Variants in PIK3AP1 observed in about 807,000 individuals in gnomAD.
PIK3AP1 encodes the protein phosphoinositide 3-kinase adapter protein 1.
Under a neutral mutation model 88.1 loss-of-function variants are expected in PIK3AP1, and 21 were observed. The observed-to-expected ratio is 0.24, with a 90% CI of 0.17 to 0.34. The LOEUF (loss-of-function observed/expected upper bound fraction) is 0.34. Ranked by LOEUF, PIK3AP1 falls within the 10% of genes least tolerant of loss-of-function variation. PIK3AP1 has a pLI of 1.00. For missense variants in PIK3AP1, 828 were observed against 1,035.7 expected, an observed-to-expected ratio of 0.80 and a Z score of 2.75; for synonymous variants, 398 against 400.0, an observed-to-expected ratio of 1.00 and a Z score of 0.06.
intron 14 of PIK3AP1, among the ~76,000 whole-genome samples, chr10:96,606,031 C>T (rs147214461): frequency 0.01 from 1,568 of 152,222 alleles, 18 homozygotes; most frequent in African/African-American, 0.029. Flanking sequence ...TGCAGTGAGC[C>T]GATATCATGC....
rs1843183013 is a variant in PIK3AP1, at chr10:96,628,441, G to T, written c.1428C>A (p.Phe476Leu). 1.2e-6 allele frequency: 2 copies of T among 1,613,608 alleles called. No individual in the cohort carries two copies. The highest frequency in any genetic ancestry group is 1.1e-5 in the South Asian group (1 of 91,066). ...TCATAGAGTCCTTAGTGGCCCGAGAGAAACCATCTCCAGGGATTGGGTTAG... is the reference window on the plus strand; with the variant it reads ...TCATAGAGTCCTTAGTGGCCCGAGATAAACCATCTCCAGGGATTGGGTTAG... ...STSNPIPGDG[F>L]SRATKDSMIR... is the part of the protein sequence containing the mutation. The change falls in exon 9 of 17, where the codon TTC becomes TTA. Residue 476 changes from phenylalanine (F) to leucine (L), a missense_variant. Phe to Leu is a conservative substitution (Grantham distance 22). Coordinates refer to ENST00000339364, the MANE Select transcript of PIK3AP1 (RefSeq NM_152309.3).
At chr10:96,675,310 C>T (rs981429422) in intron 2 of PIK3AP1, among the ~76,000 whole-genome samples, 9 of 152,134 alleles carry the variant, frequency 5.9e-5, no homozygotes, top group African/African-American at 1.2e-4. Context: ...TGGGTGGAAG[C>T]GTCCTAGACC....
intron 8 of PIK3AP1, among the ~76,000 whole-genome samples, chr10:96,643,906 T>G (rs184092902): frequency 6.6e-6 from 1 of 152,340 alleles, no homozygotes; most frequent in Admixed American, 6.5e-5. Context: ...TGGTTGATAC[T>G]TCTCTTCCTT....
intron 16 of PIK3AP1, among the ~76,000 whole-genome samples, chr10:96,597,288 T>TTCCTTCCTTCCTTCCC (rs1848778929): frequency 1.6e-5 from 2 of 123,920 alleles, no homozygotes; most frequent in African/African-American, 6.5e-5. Context: ...CCTTCCTTCC[T>TTCCTTCCTTCCTTCCC]TCCTTCCTTC....
intron 8 of PIK3AP1, among the ~76,000 whole-genome samples, chr10:96,631,444 A>T (rs1176373422): frequency 6.6e-6 from 1 of 152,216 alleles, no homozygotes; most frequent in Non-Finnish European, 1.5e-5. Flanking sequence ...GAATTTAGGG[A>T]AATAAAATGT....
At chr10:96,623,862 G>C (rs1368290538) in intron 10 of PIK3AP1, among the ~76,000 whole-genome samples, 1 of 152,130 alleles carries the variant, frequency 6.6e-6, no homozygotes, top group Non-Finnish European at 1.5e-5. Flanking sequence ...TAAAATTAGA[G>C]AATAAAAGGA....
At chr10:96,614,177 G>A (rs1849174555) in intron 13 of PIK3AP1, among the ~76,000 whole-genome samples, 2 of 152,140 alleles carry the variant, frequency 1.3e-5, no homozygotes, top group South Asian at 4.1e-4. Context: ...CTGAGCACAT[G>A]TGACTCCAAC....
At chr10:96,648,592 G>T in intron 7 of PIK3AP1, 67 bp downstream of exon 7, 1 of 1,485,772 alleles carries the variant, frequency 6.7e-7, no homozygotes, top group Non-Finnish European at 9.0e-7. Flanking sequence ...CGTATTTTGG[G>T]TGAAAGGGCA....
chr10:96,713,400 A>G (rs1844462934), intron 1 of PIK3AP1, among the ~76,000 whole-genome samples: 1 of 146,978 alleles, frequency 6.8e-6, no homozygotes, highest in African/African-American at 2.5e-5. Context: ...GCTACTCAGG[A>G]GGCTGAGGCA....
intron 2 of PIK3AP1, among the ~76,000 whole-genome samples, chr10:96,661,280 GT>G (rs1469122839): frequency 3.3e-5 from 5 of 152,168 alleles, no homozygotes; most frequent in African/African-American, 9.7e-5. Flanking sequence ...ATTGCCAGTG[GT>G]TAGGAGGAAA....
Position 96,689,524 on chromosome 10 carries a change from C to T in PIK3AP1, c.430+20043G>A, listed in dbSNP as rs1023241602. Among the ~76,000 whole-genome samples the T allele has an allele frequency of 4.1e-5, 6 of 145,994 alleles. No individual in the cohort carries two copies. The East Asian group carries it at 1.0e-3, about 25-fold the overall frequency. On this transcript the variant is annotated intron_variant, in intron 2 of 16. Transcript: ENST00000339364. ...GGCGGAGCTTGCAGTGAGCCAAGAT[C>T]GCACCACTGCACTCCAGCCCGGGCA...
At chr10:96,613,269 G>C (rs2134193894) in intron 13 of PIK3AP1, among the ~76,000 whole-genome samples, 1 of 152,012 alleles carries the variant, frequency 6.6e-6, no homozygotes, top group African/African-American at 2.4e-5. Context: ...AAAGTGCCGG[G>C]ATTACAGGTG....
At chr10:96,612,722 T>G (rs1849134592) in intron 13 of PIK3AP1, among the ~76,000 whole-genome samples, 1 of 151,802 alleles carries the variant, frequency 6.6e-6, no homozygotes, top group South Asian at 2.1e-4. Context: ...CAAAGGCTGA[T>G]GGGGGCTGGT....
intron 1 of PIK3AP1, among the ~76,000 whole-genome samples, chr10:96,715,335 T>C (rs1844488004): frequency 6.6e-6 from 1 of 152,124 alleles, no homozygotes; most frequent in South Asian, 2.1e-4. Flanking sequence ...GAGACATGAC[T>C]ACCAAATATA....
chr10:96,693,619 G>A (rs1403040445), intron 2 of PIK3AP1, among the ~76,000 whole-genome samples: 1 of 152,192 alleles, frequency 6.6e-6, no homozygotes, highest in Admixed American at 6.5e-5. Flanking sequence ...TCTTGGAAGT[G>A]ACATTGCTCT....
intron 14 of PIK3AP1, among the ~76,000 whole-genome samples, chr10:96,607,548 C>G (rs1849023511): frequency 6.6e-6 from 1 of 152,200 alleles, no homozygotes; most frequent in South Asian, 2.1e-4. Flanking sequence ...GCTCCTGCCC[C>G]CTGCCACACT....
chr10:96,640,507 A>C (rs1370469408), intron 8 of PIK3AP1, among the ~76,000 whole-genome samples: 3 of 152,216 alleles, frequency 2.0e-5, no homozygotes, highest in African/African-American at 7.2e-5. Flanking sequence ...GGGGACAAAG[A>C]ACTAAGTGAG....
chr10:96,628,875 C>CAGACACACATATATACAT (rs1564961141), intron 8 of PIK3AP1, among the ~76,000 whole-genome samples: 2 of 90,894 alleles, frequency 2.2e-5, no homozygotes, highest in African/African-American at 8.7e-5. Context: ...CATATATACA[C>CAGACACACATATATACAT]ATATATATAT....
At chr10:96,635,858 T>C (rs1421039722) in intron 8 of PIK3AP1, among the ~76,000 whole-genome samples, 1 of 151,920 alleles carries the variant, frequency 6.6e-6, no homozygotes, top group Non-Finnish European at 1.5e-5. Flanking sequence ...TGAGCTGAGA[T>C]TGCACGACGG....
Sources: gnomAD v4.1 joint callset for allele counts (sites outside exome capture counted in the v4.1 genomes callset) on GRCh38, gnomAD v4.1.1 for gene constraint, MANE v1.5 for transcripts, NCBI Gene and HGNC (gene_info 2026-07-23, HGNC 2026-07-21) for gene names.